CALCR: variants seen among roughly 807,000 people sequenced by gnomAD.
The protein encoded by CALCR is calcitonin receptor.
In CALCR, 47 loss-of-function variants were observed where a neutral mutation model predicts 59.5. The observed-to-expected ratio is 0.79, with a 90% CI of 0.63 to 1.01. The LOEUF (loss-of-function observed/expected upper bound fraction) is 1.01. Ranked by LOEUF, CALCR falls within the 50% of genes least tolerant of loss-of-function variation. The pLI is 0.00. For missense variants in CALCR, 566 were observed against 597.1 expected, an observed-to-expected ratio of 0.95 and a Z score of 0.54; for synonymous variants, 213 against 211.3, an observed-to-expected ratio of 1.01 and a Z score of -0.07.
At chr7:93,544,925 G>T (rs1789245355) in intron 2 of CALCR, among the ~76,000 whole-genome samples, 1 of 152,140 alleles carries the variant, frequency 6.6e-6, no homozygotes, top group African/African-American at 2.4e-5. Flanking sequence ...AGCAGGAAAG[G>T]CCACTGTGCA....
intron 2 of CALCR, among the ~76,000 whole-genome samples, chr7:93,566,112 A>G (rs1789858735): frequency 6.6e-6 from 1 of 152,128 alleles, no homozygotes; most frequent in Non-Finnish European, 1.5e-5. Flanking sequence ...TATAATTTTC[A>G]TATTTATTAA....
intron 8 of CALCR, among the ~76,000 whole-genome samples, chr7:93,447,722 G>A (rs1264955541): frequency 1.3e-5 from 2 of 151,916 alleles, no homozygotes; most frequent in Non-Finnish European, 2.9e-5. Context: ...AGGGAGCTAA[G>A]GAATACTATC....
intron 2 of CALCR, among the ~76,000 whole-genome samples, chr7:93,493,383 T>C (rs984815496): frequency 1.3e-5 from 2 of 151,540 alleles, no homozygotes; most frequent in South Asian, 2.1e-4. Context: ...AATGAGAAAG[T>C]TGGGATCATT....
At chr7:93,553,481 C>CTTT (rs1789517889) in intron 2 of CALCR, among the ~76,000 whole-genome samples, 3 of 148,460 alleles carry the variant, frequency 2.0e-5, no homozygotes, top group Admixed American at 1.3e-4. Context: ...GAAAACTTAC[C>CTTT]CTTTTTTTTT....
chr7:93,476,446 T>C (rs778440937), intron 5 of CALCR, among the ~76,000 whole-genome samples: 2 of 151,874 alleles, frequency 1.3e-5, no homozygotes, highest in Admixed American at 6.6e-5. Flanking sequence ...TATGTGTATA[T>C]ATATATTATG....
intron 12 of CALCR, among the ~76,000 whole-genome samples, chr7:93,435,541 G>A (rs142880306): frequency 9.2e-5 from 14 of 152,182 alleles, no homozygotes; most frequent in East Asian, 5.8e-4. Context: ...CTTGTCAGGC[G>A]TGCGCAGTGG....
At chr7:93,480,806 G>A (rs1185586728) in intron 3 of CALCR, among the ~76,000 whole-genome samples, 1 of 151,798 alleles carries the variant, frequency 6.6e-6, no homozygotes, top group Non-Finnish European at 1.5e-5. Flanking sequence ...GGAAGTTTCT[G>A]CATAGGCACA....
intron 8 of CALCR, among the ~76,000 whole-genome samples, chr7:93,452,957 C>T (rs1260125681): frequency 1.3e-5 from 2 of 151,972 alleles, no homozygotes; most frequent in African/African-American, 4.8e-5. Flanking sequence ...TAGGGATGCT[C>T]AAGCCACCAC....
At chr7:93,445,013 T>A (rs1330434174) in intron 8 of CALCR, among the ~76,000 whole-genome samples, 1 of 152,076 alleles carries the variant, frequency 6.6e-6, no homozygotes, top group Non-Finnish European at 1.5e-5. Flanking sequence ...TCTACTGTGT[T>A]TCCTTTTCTT....
At chr7:93,527,445 A>T (rs116512137) in intron 2 of CALCR, among the ~76,000 whole-genome samples, 5,347 of 152,216 alleles carry the variant, frequency 0.035, 105 homozygotes, top group Middle Eastern at 0.066. Context: ...TTTAAGCTTT[A>T]ATTACTTCCG....
At chr7:93,515,271 T>C (rs17165529) in intron 2 of CALCR, among the ~76,000 whole-genome samples, 18,219 of 151,908 alleles carry the variant, frequency 0.12, 2,366 homozygotes, top group African/African-American at 0.31. Context: ...AGCAGAAAAT[T>C]TGTAGGAGTT....
intron 13 of CALCR, among the ~76,000 whole-genome samples, chr7:93,429,295 G>A (rs1799598501): frequency 6.6e-6 from 1 of 152,148 alleles, no homozygotes; most frequent in Admixed American, 6.5e-5. Context: ...AAGAATAAGG[G>A]CATTTAATCT....
chr7:93,502,348 C>T (rs1562999136), intron 2 of CALCR, among the ~76,000 whole-genome samples: 1 of 152,110 alleles, frequency 6.6e-6, no homozygotes, highest in Non-Finnish European at 1.5e-5. Context: ...AACTTGAAAA[C>T]AGTTCTTACT....
chr7:93,573,975 A>C (rs1275760094), intron 2 of CALCR, among the ~76,000 whole-genome samples: 2 of 152,256 alleles, frequency 1.3e-5, no homozygotes, highest in East Asian at 3.8e-4. Context: ...TTTCCTACCC[A>C]ATAAGTTGGA....
intron 2 of CALCR, among the ~76,000 whole-genome samples, chr7:93,487,440 T>G (rs974866430): frequency 3.3e-5 from 5 of 151,472 alleles, no homozygotes; most frequent in Non-Finnish European, 5.9e-5. Flanking sequence ...CTCTAGGTAG[T>G]CTAAGGCCAA....
chr7:93,567,905 G>A (rs936365322), intron 2 of CALCR, among the ~76,000 whole-genome samples: 1 of 152,114 alleles, frequency 6.6e-6, no homozygotes, highest in African/African-American at 2.4e-5. Context: ...TACACAAACA[G>A]TCTGGAAAAT....
chr7:93,508,135 C>T (rs571198403), intron 2 of CALCR, among the ~76,000 whole-genome samples: 6 of 152,248 alleles, frequency 3.9e-5, no homozygotes, highest in South Asian at 4.1e-4. Flanking sequence ...ACAATTCACA[C>T]ATATATTGCC....
At chr7:93,458,830 G>A (rs1219048938) in intron 8 of CALCR, among the ~76,000 whole-genome samples, 1 of 151,964 alleles carries the variant, frequency 6.6e-6, no homozygotes. Context: ...TTTGCATTAG[G>A]ATAAAACATA....
At chr7:93,536,804 A>AAT (rs1469193304) in intron 2 of CALCR, among the ~76,000 whole-genome samples, 3 of 151,720 alleles carry the variant, frequency 2.0e-5, no homozygotes, top group Non-Finnish European at 4.4e-5. Context: ...TGACATAAGA[A>AAT]ATTAGTGGTG....
Sources: allele counts gnomAD v4.1 joint callset (sites outside exome capture counted in the v4.1 genomes callset), GRCh38; gene constraint gnomAD v4.1.1; transcripts MANE v1.5; gene names NCBI Gene and HGNC (gene_info 2026-07-23, HGNC 2026-07-21).